Variants in GPC5 observed in about 807,000 individuals in gnomAD.
GPC5 encodes the protein glypican-5.
GPC5 carries 47 observed loss-of-function variants against 53.9 expected under a neutral mutation model. That is an observed-to-expected ratio of 0.87 (90% confidence interval 0.69 to 1.11). The LOEUF (loss-of-function observed/expected upper bound fraction) is 1.11. Ranked by LOEUF, GPC5 falls within the 50% of genes most tolerant of loss-of-function variation. The pLI, the probability that GPC5 is intolerant of heterozygous loss-of-function variation, is 0.00. For synonymous variants in GPC5, 286 were observed against 263.3 expected (o/e 1.09, Z -0.84); for missense variants, 748 against 713.1 (o/e 1.05, Z -0.56).
intron 7 of GPC5, among the ~76,000 whole-genome samples, chr13:92,358,381 T>C (rs1267184233): frequency 6.6e-6 from 1 of 151,724 alleles, no homozygotes. Flanking sequence ...GCCTGAGGCT[T>C]TTCCAGGTAC....
chr13:92,533,028 T>A (rs1881615393), intron 7 of GPC5, among the ~76,000 whole-genome samples: 1 of 152,156 alleles, frequency 6.6e-6, no homozygotes, highest in Non-Finnish European at 1.5e-5. Context: ...ACAGAATAAT[T>A]ATTATTGCTT....
At chr13:92,409,381 G>GA (rs1414207430) in intron 7 of GPC5, among the ~76,000 whole-genome samples, 7 of 151,790 alleles carry the variant, frequency 4.6e-5, no homozygotes, top group Non-Finnish European at 7.4e-5. Flanking sequence ...GAATCCCAAT[G>GA]AAAAAATGAA....
At chr13:92,113,479 G>A (rs2041574599) in intron 6 of GPC5, among the ~76,000 whole-genome samples, 1 of 152,146 alleles carries the variant, frequency 6.6e-6, no homozygotes, top group Admixed American at 6.6e-5. Context: ...TCCTCTGTCA[G>A]TCAATTAGTC....
chr13:92,262,497 C>T (rs889907367), intron 7 of GPC5, among the ~76,000 whole-genome samples: 5 of 152,066 alleles, frequency 3.3e-5, no homozygotes, highest in African/African-American at 1.2e-4. Context: ...GAGTTTGAGC[C>T]AGGAGGCCAA....
At chr13:92,274,836 A>G (rs945881344) in intron 7 of GPC5, among the ~76,000 whole-genome samples, 1 of 152,164 alleles carries the variant, frequency 6.6e-6, no homozygotes, top group African/African-American at 2.4e-5. Flanking sequence ...GATTAGAAGA[A>G]CATCACAGGT....
intron 5 of GPC5, among the ~76,000 whole-genome samples, chr13:91,829,692 G>C (rs2038625902): frequency 6.6e-6 from 1 of 152,046 alleles, no homozygotes; most frequent in Non-Finnish European, 1.5e-5. Context: ...CAGCCAGCTT[G>C]AGAAATAAAG....
chr13:91,708,800 T>C (rs1168560069), intron 3 of GPC5, among the ~76,000 whole-genome samples: 1 of 152,212 alleles, frequency 6.6e-6, no homozygotes, highest in Non-Finnish European at 1.5e-5. Context: ...GGGTTTGTTC[T>C]TTCTGTTGGC....
chr13:91,831,058 T>TTA (rs1465811666), intron 5 of GPC5, among the ~76,000 whole-genome samples: 5 of 140,008 alleles, frequency 3.6e-5, no homozygotes, highest in African/African-American at 1.3e-4. Context: ...TATATCCTAT[T>TTA]TATATATATC....
intron 7 of GPC5, among the ~76,000 whole-genome samples, chr13:92,747,749 G>A (rs1594475550): frequency 6.6e-6 from 1 of 152,074 alleles, no homozygotes; most frequent in African/African-American, 2.4e-5. Flanking sequence ...TTAAATTGAT[G>A]CTTCTGACTT....
chr13:92,667,779 A>T (rs775699184), intron 7 of GPC5, among the ~76,000 whole-genome samples: 7 of 152,214 alleles, frequency 4.6e-5, no homozygotes, highest in Non-Finnish European at 8.8e-5. Flanking sequence ...AAATTATATC[A>T]TAATTCATGT....
intron 6 of GPC5, among the ~76,000 whole-genome samples, chr13:91,994,100 A>G (rs2040482412): frequency 6.6e-6 from 1 of 152,234 alleles, no homozygotes; most frequent in Non-Finnish European, 1.5e-5. Context: ...CTTTGGCTCT[A>G]TTACCAAAAT....
chr13:91,655,700 G>T (rs1031333346), intron 2 of GPC5, among the ~76,000 whole-genome samples: 1 of 152,032 alleles, frequency 6.6e-6, no homozygotes, highest in South Asian at 2.1e-4. Flanking sequence ...TACTAAGGAT[G>T]AGTTCTAAAA....
At chr13:91,642,922 A>G (rs2034466476) in intron 2 of GPC5, among the ~76,000 whole-genome samples, 1 of 152,152 alleles carries the variant, frequency 6.6e-6, no homozygotes, top group African/African-American at 2.4e-5. Flanking sequence ...AATTTTCCAG[A>G]GACAGGAAGG....
intron 7 of GPC5, among the ~76,000 whole-genome samples, chr13:92,491,935 C>G (rs1879778374): frequency 6.6e-6 from 1 of 152,084 alleles, no homozygotes; most frequent in Non-Finnish European, 1.5e-5. Flanking sequence ...ATATCCTTAG[C>G]CTTCATAATT....
At chr13:91,710,320 A>G (rs1222483069) in intron 3 of GPC5, among the ~76,000 whole-genome samples, 1 of 152,224 alleles carries the variant, frequency 6.6e-6, no homozygotes, top group Non-Finnish European at 1.5e-5. Flanking sequence ...CATATCTTCC[A>G]TGAGAGCACA....
chr13:92,252,471 T>C (rs2042699144), intron 7 of GPC5, among the ~76,000 whole-genome samples: 1 of 152,124 alleles, frequency 6.6e-6, no homozygotes, highest in Non-Finnish European at 1.5e-5. Flanking sequence ...AATACTTTTT[T>C]ATTTTTTGTG....
intron 1 of GPC5, among the ~76,000 whole-genome samples, chr13:91,411,567 A>T (rs961095134): frequency 4.6e-5 from 7 of 152,158 alleles, no homozygotes; most frequent in Non-Finnish European, 1.0e-4. Flanking sequence ...ACCTTTATAG[A>T]GTCACTACAG....
intron 7 of GPC5, among the ~76,000 whole-genome samples, chr13:92,336,046 G>T (rs138829618): frequency 6.6e-6 from 1 of 152,228 alleles, no homozygotes; most frequent in Admixed American, 6.5e-5. Flanking sequence ...TTGGAGTATA[G>T]TTAAGTATCT....
chr13:92,767,527 C>CT (rs1161373794), intron 7 of GPC5, among the ~76,000 whole-genome samples: 1 of 152,166 alleles, frequency 6.6e-6, no homozygotes, highest in Non-Finnish European at 1.5e-5. Context: ...CTTTCTTTCA[C>CT]TTTCTTTTCG....
Sources: allele counts gnomAD v4.1 joint callset (sites outside exome capture counted in the v4.1 genomes callset), GRCh38; gene constraint gnomAD v4.1.1; transcripts MANE v1.5; gene names NCBI Gene and HGNC (gene_info 2026-07-23, HGNC 2026-07-21).